LPCAT1: variants seen among roughly 807,000 people sequenced by gnomAD.
The protein encoded by LPCAT1 is lysophosphatidylcholine acyltransferase 1.
In LPCAT1, 23 loss-of-function variants were observed where a neutral mutation model predicts 60.9. The observed-to-expected ratio is 0.38, with a 90% CI of 0.27 to 0.53. The LOEUF (loss-of-function observed/expected upper bound fraction) is 0.53, where lower values mean the gene tolerates loss of function less well. LPCAT1 is among the 20% of genes least tolerant of loss of function. The pLI is 0.82. For missense variants in LPCAT1, 622 were observed against 723.6 expected (o/e 0.86, Z 1.61); for synonymous variants, 340 against 301.1 (o/e 1.13, Z -1.34).
chr5:1,479,432 A>G, intron 8 of LPCAT1, 189 bp downstream of exon 8: 1 of 604,272 alleles, frequency 1.7e-6, no homozygotes, highest in Non-Finnish European at 3.0e-6. Flanking sequence ...CAGACTCATA[A>G]GAGAGACATA....
intron 1 of LPCAT1, among the ~76,000 whole-genome samples, chr5:1,503,637 C>T (rs2126594823): frequency 6.6e-6 from 1 of 152,374 alleles, no homozygotes; most frequent in Non-Finnish European, 1.5e-5. Flanking sequence ...CCAGCGGCTT[C>T]CTCGTGCAGT....
At chr5:1,498,681 ACT>A (rs1222245234) in intron 2 of LPCAT1, among the ~76,000 whole-genome samples, 17 of 152,174 alleles carry the variant, frequency 1.1e-4, no homozygotes, top group African/African-American at 3.9e-4. Context: ...ACATGTACAT[ACT>A]GTCATACACG....
intron 12 of LPCAT1, among the ~76,000 whole-genome samples, chr5:1,467,498 G>A (rs992779164): frequency 2.6e-5 from 4 of 152,048 alleles, no homozygotes; most frequent in Admixed American, 2.0e-4. Flanking sequence ...GTGTGGAAGC[G>A]GCGGCTCCGG....
rs561260731 is a variant in LPCAT1, at chr5:1,470,750, A to C, written c.1278+76T>G. ...CAATTAACTGATATTATAAGGAACT[A>C]GAGAAATGAACAATGGTGCTGACGT... On this transcript the variant is annotated intron_variant, in intron 12 of 13. Transcript: ENST00000283415. The C allele has an allele frequency of 6.4e-6, 7 of 1,094,902 alleles. No individual in the cohort carries two copies. In the South Asian group the frequency reaches 7.4e-5, roughly 12 times the overall value. 67.8% of individuals were successfully genotyped at this position (1,094,902 alleles called of 1,614,324 possible).
intron 2 of LPCAT1, among the ~76,000 whole-genome samples, chr5:1,497,722 T>A (rs1479539190): frequency 6.6e-6 from 1 of 152,282 alleles, no homozygotes; most frequent in East Asian, 1.9e-4. Context: ...ATAAAGTGGT[T>A]TGATGCTCAA....
chr5:1,512,751 C>A (rs1736394862), intron 1 of LPCAT1, among the ~76,000 whole-genome samples: 1 of 152,220 alleles, frequency 6.6e-6, no homozygotes, highest in Admixed American at 6.5e-5. Context: ...CAGCACAGGG[C>A]ATGGTGCTCA....
intron 9 of LPCAT1, 76 bp from the exon 10 acceptor site, chr5:1,474,761 G>T: frequency 6.5e-7 from 1 of 1,538,272 alleles, no homozygotes; most frequent in East Asian, 2.3e-5. Context: ...AATAACCGCC[G>T]ATGGCTCAGG....
intron 5 of LPCAT1, among the ~76,000 whole-genome samples, chr5:1,486,515 GTGA>G (rs1735376807): frequency 6.6e-6 from 1 of 152,148 alleles, no homozygotes; most frequent in Non-Finnish European, 1.5e-5. Context: ...ATCAGGCGAT[GTGA>G]TGAAAGGTGG....
chr5:1,487,942 C>T lies in LPCAT1; in HGVS notation c.667+449G>A, dbSNP rs191261104. 3.9e-4 allele frequency among the ~76,000 whole-genome samples: 59 copies of T among 152,294 alleles called. No homozygotes were observed. The highest frequency in any genetic ancestry group is 3.3e-3 in the Admixed American group (50 of 15,302). On this transcript the variant is annotated intron_variant, in intron 5 of 13. Coordinates refer to ENST00000283415, the MANE Select transcript of LPCAT1 (RefSeq NM_024830.5). This position sits in a 1 kb window ranked among gnomAD's most constrained non-coding sequence, Gnocchi z 6.1. ...TTCACACGCATTTGAGTCCCCCCTC[C>T]CCAGGGAGAAAGAACACTGTCTAAC... is the stretch of plus-strand genomic sequence containing the variant.
chr5:1,501,343 G>A (rs1335281208), intron 2 of LPCAT1, 118 bp downstream of exon 2: 72 of 1,385,634 alleles, frequency 5.2e-5, no homozygotes, highest in Non-Finnish European at 6.3e-5. Flanking sequence ...GCTGGGCTCA[G>A]AAGGGAAGGA....
chr5:1,472,980 C>T lies in LPCAT1; in HGVS notation c.1179+977G>A, dbSNP rs548255272. On this transcript the variant is annotated intron_variant, in intron 11 of 13. Transcript: ENST00000283415. ...CAGCCTCCTTCCCCTGTCCTGGGTG[C>T]TCCTCATCTTCTCTTGCTCTCTCCA... Among the ~76,000 whole-genome samples, 141 of 152,018 alleles carry T rather than the reference C, an allele frequency of 9.3e-4. 1 individual carries two copies. The highest frequency in any genetic ancestry group is 1.4e-3 in the Non-Finnish European group (95 of 67,946).
rs1174407454 is a variant in LPCAT1 at position 1,523,022 on chromosome 5, T to G, written c.135+688A>C. Among the ~76,000 whole-genome samples the G allele has an allele frequency of 6.6e-6, 1 of 152,206 alleles. No individual in the cohort carries two copies. The highest frequency in any genetic ancestry group is 1.5e-5 in the Non-Finnish European group (1 of 68,028). ...GGCAGCCCAGGTTGCATAAAGTTGA[T>G]TCGGGTCAGACCAGCCCCGAGAAAG... is the stretch of plus-strand genomic sequence containing the variant. On this transcript the variant is annotated intron_variant, in intron 1 of 13. Transcript: ENST00000283415. The surrounding 1 kb of genome is among the most constrained non-coding windows in gnomAD (Gnocchi z 7.1).
chr5:1,494,015 C>T lies in LPCAT1; in HGVS notation c.493+685G>A, dbSNP rs149455056. ...AGAGGAGGAAGAGGCAGGAAGGGGC[C>T]GCACAGGGCCTTCGGCCCAGAGACG... On this transcript the variant is annotated intron_variant, in intron 3 of 13. Transcript: ENST00000283415. 1.4e-4 allele frequency among the ~76,000 whole-genome samples: 21 copies of T among 152,346 alleles called. No homozygotes were observed. In the East Asian group the frequency reaches 3.1e-3, roughly 22 times the overall value.
intron 13 of LPCAT1, among the ~76,000 whole-genome samples, chr5:1,465,593 G>T (rs572911124): frequency 6.7e-6 from 1 of 149,290 alleles, no homozygotes; most frequent in South Asian, 2.1e-4. Context: ...GCACACACAC[G>T]CACGGTACTA....
intron 1 of LPCAT1, among the ~76,000 whole-genome samples, chr5:1,518,364 G>A (rs1299222780): frequency 1.3e-5 from 2 of 152,172 alleles, no homozygotes; most frequent in African/African-American, 2.4e-5. Flanking sequence ...TTTTGGAGAC[G>A]GAGTCCGGCT....
rs1223682242 is a variant in LPCAT1 at position 1,463,398 on chromosome 5, C to T, written c.*253G>A. ...CGGTGCCCCCCGCCCGGCAGGGAACCTGACCCCACGGGGTCCAGGCCAGGC... is the reference window on the plus strand; with the variant it reads ...CGGTGCCCCCCGCCCGGCAGGGAACTTGACCCCACGGGGTCCAGGCCAGGC... On this transcript the variant is annotated 3_prime_UTR_variant, in exon 14 of 14. Coordinates refer to ENST00000283415, the MANE Select transcript of LPCAT1 (RefSeq NM_024830.5). 23 of 495,894 alleles carry T rather than the reference C, an allele frequency of 4.6e-5. No homozygotes were observed. The highest frequency in any genetic ancestry group is 8.2e-5 in the Non-Finnish European group (23 of 281,850). 30.7% of individuals were successfully genotyped at this position (495,894 alleles called of 1,614,324 possible).
chr5:1,498,491 C>A (rs1013106747), intron 2 of LPCAT1, among the ~76,000 whole-genome samples: 2 of 152,116 alleles, frequency 1.3e-5, no homozygotes, highest in Non-Finnish European at 2.9e-5. Flanking sequence ...TGCACACATT[C>A]ACACACATAC....
intron 1 of LPCAT1, among the ~76,000 whole-genome samples, chr5:1,507,590 C>T (rs112474961): frequency 0.021 from 3,195 of 152,292 alleles, 81 homozygotes; most frequent in Non-Finnish European, 0.027. Flanking sequence ...TGGGACAGCA[C>T]GGCGCAGCCC....
intron 2 of LPCAT1, among the ~76,000 whole-genome samples, chr5:1,499,390 C>T (rs942355507): frequency 1.2e-4 from 18 of 152,186 alleles, no homozygotes; most frequent in Non-Finnish European, 2.1e-4. Flanking sequence ...TCAGCCAGGT[C>T]ACCTGCAGCC....
Sources: gnomAD v4.1 joint callset for allele counts (sites outside exome capture counted in the v4.1 genomes callset) on GRCh38, gnomAD v4.1.1 for gene constraint, Gnocchi (gnomAD v3.1) non-coding constraint, MANE v1.5 for transcripts, NCBI Gene and HGNC (gene_info 2026-07-23, HGNC 2026-07-21) for gene names.